NFATC1: variants seen among roughly 807,000 people sequenced by gnomAD.
NFATC1 encodes the protein nuclear factor of activated T cells 1.
Under a neutral mutation model 76.0 loss-of-function variants are expected in NFATC1, and 22 were observed. The ratio of observed to expected loss-of-function variants is 0.29; its 90% CI spans 0.21 to 0.41. The LOEUF is 0.41. Among genes scored for constraint, NFATC1 ranks in the 10% least tolerant of loss-of-function variants. NFATC1 has a pLI of 1.00. For synonymous variants in NFATC1, 704 were observed against 613.1 expected (o/e 1.15, Z -2.19); for missense variants, 1,357 against 1,337.7 (o/e 1.01, Z -0.23).
chr18:79,467,996 G>A lies in NFATC1; in HGVS notation c.2092+414G>A, dbSNP rs527711955. ...CTTTAGGAATAAACTTTGCTTTTAA[G>A]CCTGTAGTCCTGATGTGGTCTTTAA... On this transcript the variant is annotated intron_variant, in intron 8 of 9. Transcript: ENST00000427363. 2.0e-5 allele frequency: 20 copies of A among 1,008,886 alleles called. No individual in the cohort carries two copies. The East Asian group carries it at 2.1e-3, about 103-fold the overall frequency. The allele number at this position is 1,008,886 out of a possible 1,614,324, so 62.5% of individuals were successfully genotyped here. A position where few individuals can be genotyped will look rare whatever the true frequency, so the allele number is the denominator to read the frequency against.
At chr18:79,439,244 C>T (rs563920785) in intron 3 of NFATC1, among the ~76,000 whole-genome samples, 15 of 152,282 alleles carry the variant, frequency 9.9e-5, no homozygotes, top group Admixed American at 2.0e-4. Flanking sequence ...ACTGGAAAGC[C>T]GGGGAGGGAC....
chr18:79,464,769 G>C (rs191223186), intron 7 of NFATC1, among the ~76,000 whole-genome samples: 4 of 145,932 alleles, frequency 2.7e-5, no homozygotes, highest in African/African-American at 1.0e-4. Context: ...CCAGTGGCTT[G>C]ATCATGGCTC....
intron 9 of NFATC1, among the ~76,000 whole-genome samples, chr18:79,522,080 T>G (rs1601008985): frequency 2.5e-5 from 1 of 40,608 alleles, no homozygotes; most frequent in Non-Finnish European, 4.3e-5. Flanking sequence ...TGTGTGTCTG[T>G]TGGGGGGGGC....
chr18:79,442,888 G>A (rs990853194), intron 3 of NFATC1, among the ~76,000 whole-genome samples: 7 of 151,802 alleles, frequency 4.6e-5, no homozygotes, highest in African/African-American at 4.8e-5. Context: ...ACTCCCACCC[G>A]GACAGCAGCA....
intron 9 of NFATC1, among the ~76,000 whole-genome samples, chr18:79,507,928 G>A (rs562827314): frequency 5.9e-5 from 9 of 152,370 alleles, no homozygotes; most frequent in Admixed American, 1.3e-4. Context: ...CGGGCTCCCC[G>A]CAGCCGCAGT....
Position 79,412,650 on chromosome 18 carries a change from A to C in NFATC1, c.1226+1149A>C, listed in dbSNP as rs548272906. ...CTGGAGCACGCATGGACAGAATTAGAGCTACAAGCAGTAACAAGCCTCCAG... is the reference window on the plus strand; with the variant it reads ...CTGGAGCACGCATGGACAGAATTAGCGCTACAAGCAGTAACAAGCCTCCAG... On this transcript the variant is annotated intron_variant, in intron 2 of 9. Transcript: ENST00000427363. Among the ~76,000 whole-genome samples, 19 of 152,096 alleles carry C rather than the reference A, an allele frequency of 1.2e-4. 1 individual carries two copies. The highest frequency in any genetic ancestry group is 4.6e-4 in the African/African-American group (19 of 41,508).
At chr18:79,443,536 AGTC>A in intron 3 of NFATC1, among the ~76,000 whole-genome samples, 1 of 152,282 alleles carries the variant, frequency 6.6e-6, no homozygotes, top group East Asian at 1.9e-4. Flanking sequence ...CTAGTTTCCC[AGTC>A]GGCGCCCGTG....
At chr18:79,510,912 C>T (rs1379865749) in intron 9 of NFATC1, among the ~76,000 whole-genome samples, 7 of 151,980 alleles carry the variant, frequency 4.6e-5, no homozygotes, top group South Asian at 2.1e-4. Flanking sequence ...CATCCTCCAC[C>T]GGGGGCTCCT....
chr18:79,421,307 T>TGACA (rs113268812), intron 2 of NFATC1: 6 of 152,288 alleles, frequency 3.9e-5, no homozygotes, highest in African/African-American at 1.4e-4. Context: ...GACACCAAGA[T>TGACA]GACATGTGGC....
rs2145256395 is a variant in NFATC1, at chr18:79,527,700, GA to G, written c.*124del. 3 of 852,844 alleles carry G rather than the reference GA, an allele frequency of 3.5e-6. No individual in the cohort carries two copies. The East Asian group carries it at 7.3e-5, about 21-fold the overall frequency. 52.8% of individuals were successfully genotyped at this position (852,844 alleles called of 1,614,324 possible). A position where few individuals can be genotyped will look rare whatever the true frequency, so the allele number is the denominator to read the frequency against. On this transcript the variant is annotated 3_prime_UTR_variant, in exon 10 of 10. Coordinates refer to ENST00000427363, the MANE Select transcript of NFATC1 (RefSeq NM_001278669.2). ...GAACCTCCAACTGACTGAATGCCAG[GA>G]GCTGAACATTAATATGTGCAAAGAT...
intron 9 of NFATC1, among the ~76,000 whole-genome samples, chr18:79,504,670 A>G (rs2090085581): frequency 6.6e-6 from 1 of 152,278 alleles, no homozygotes; most frequent in Non-Finnish European, 1.5e-5. Flanking sequence ...AGGGTTGCCA[A>G]AGACCTCCCC....
intron 9 of NFATC1, among the ~76,000 whole-genome samples, chr18:79,501,352 G>GA (rs201591178): frequency 0.012 from 1,784 of 150,860 alleles, 42 homozygotes; most frequent in African/African-American, 0.041. Flanking sequence ...GTCATACACA[G>GA]AAAAAAAAAC....
At chr18:79,473,624 TTGACGTTG>T in intron 8 of NFATC1, among the ~76,000 whole-genome samples, 2 of 124,208 alleles carry the variant, frequency 1.6e-5, no homozygotes, top group African/African-American at 6.4e-5. Context: ...ACACTCACTG[TTGACGTTG>T]CAAGGGAAGC....
intron 7 of NFATC1, 88 bp downstream of exon 7, chr18:79,461,454 C>G (rs879122682): frequency 3.3e-6 from 3 of 906,942 alleles, no homozygotes; most frequent in Admixed American, 2.5e-5. Context: ...GGTCCCCAGG[C>G]CTTGGGAGGC....
At chr18:79,510,876 T>C (rs62096919) in intron 9 of NFATC1, among the ~76,000 whole-genome samples, 9 of 51,010 alleles carry the variant, frequency 1.8e-4, no homozygotes, top group East Asian at 3.5e-4. Flanking sequence ...CCGGGGCATC[T>C]TCCGCCGGGG....
At chr18:79,399,691 C>T (rs2085119005) in intron 1 of NFATC1, among the ~76,000 whole-genome samples, 1 of 152,162 alleles carries the variant, frequency 6.6e-6, no homozygotes. Context: ...TCCCGCGGGG[C>T]GGGGGCGCGC....
chr18:79,458,031 G>T (rs567547924), intron 6 of NFATC1, among the ~76,000 whole-genome samples: 2 of 152,192 alleles, frequency 1.3e-5, no homozygotes, highest in African/African-American at 2.4e-5. Flanking sequence ...TGGAAAAGCC[G>T]CCATGAACCT....
Position 79,461,452 on chromosome 18 carries a change from G to GA in NFATC1, c.1959+86_1959+87insA, listed in dbSNP as rs55741427. On this transcript the variant is annotated intron_variant, in intron 7 of 9. Transcript: ENST00000427363. Reference sequence around the variant, plus strand: ...CTGCTGGAGCCACTGCGGGTCCCCAGGCCTTGGGAGGCTGGGGTTCCTGTT... The same window carrying GA: ...CTGCTGGAGCCACTGCGGGTCCCCAGAGCCTTGGGAGGCTGGGGTTCCTGTT... 7.0e-3 allele frequency: 8,948 copies of GA among 1,278,070 alleles called. 14 individuals are homozygous for GA. Among genetic ancestry groups the GA allele is most frequent in the Non-Finnish European group, 8.0e-3 (7,097 of 888,154 alleles). The allele number at this position is 1,278,070 out of a possible 1,614,324, so 79.2% of individuals were successfully genotyped here. A position where few individuals can be genotyped will look rare whatever the true frequency, so the allele number is the denominator to read the frequency against.
chr18:79,444,240 A>G (rs551881116), intron 3 of NFATC1, among the ~76,000 whole-genome samples: 1 of 151,946 alleles, frequency 6.6e-6, no homozygotes, highest in Non-Finnish European at 1.5e-5. Context: ...GGGTGTGCAC[A>G]TTTCCCAGTG....
Sources: gnomAD v4.1 joint callset for allele counts (sites outside exome capture counted in the v4.1 genomes callset) on GRCh38, gnomAD v4.1.1 for gene constraint, MANE v1.5 for transcripts, NCBI Gene and HGNC (gene_info 2026-07-23, HGNC 2026-07-21) for gene names.